Variants in FAM171A1 observed in about 807,000 individuals in gnomAD.
The protein encoded by FAM171A1 is family with sequence similarity 171 member A1, also known as protein FAM171A1.
A neutral mutation model predicts 74.9 loss-of-function variants in FAM171A1; 23 were observed. That is an observed-to-expected ratio of 0.31 (90% CI 0.22 to 0.44). The LOEUF (loss-of-function observed/expected upper bound fraction) is 0.44, where lower values mean the gene tolerates loss of function less well. Among genes scored for constraint, FAM171A1 ranks in the 20% least tolerant of loss-of-function variants. The probability of loss-of-function intolerance (pLI) is 1.00; values close to 1 mark genes in which losing one functional copy is unlikely to be tolerated. For missense variants in FAM171A1, 1,162 were observed against 1,159.2 expected (o/e 1.00, Z -0.03); for synonymous variants, 527 against 505.7 (o/e 1.04, Z -0.57).
At chr10:15,285,297 G>T (rs1237247955) in intron 1 of FAM171A1, among the ~76,000 whole-genome samples, 1 of 152,136 alleles carries the variant, frequency 6.6e-6, no homozygotes, top group African/African-American at 2.4e-5. Context: ...GGCTGGAGAG[G>T]CAAGTAAGGC....
At chr10:15,249,048 A>G (rs2131758743) in intron 4 of FAM171A1, among the ~76,000 whole-genome samples, 1 of 151,964 alleles carries the variant, frequency 6.6e-6, no homozygotes, top group East Asian at 1.9e-4. Flanking sequence ...GCCTAAGGGC[A>G]TACACTCAGT....
At chr10:15,255,515 A>G (rs923883566) in intron 3 of FAM171A1, among the ~76,000 whole-genome samples, 3 of 152,164 alleles carry the variant, frequency 2.0e-5, no homozygotes, top group Admixed American at 1.3e-4. Context: ...GACTTTTGAA[A>G]TGATGCAAAA....
In FAM171A1 at chr10:15,370,972, G is replaced by C. The variant is rs778990068; in HGVS notation, c.81C>G (p.Pro27=). 64 of 1,176,912 alleles carry C rather than the reference G, an allele frequency of 5.4e-5. No individual in the cohort carries two copies. Among genetic ancestry groups the C allele is most frequent in the Non-Finnish European group, 6.7e-5 (62 of 931,036 alleles). 72.9% of individuals were successfully genotyped at this position (1,176,912 alleles called of 1,614,324 possible). Residue 27 remains proline, a synonymous_variant, in exon 1 of 8, where the codon CCC becomes CCG. Coordinates refer to ENST00000378116, the MANE Select transcript of FAM171A1 (RefSeq NM_001010924.2). Reference sequence around the variant, plus strand: ...CCCACTGACCTTGGGCTCCGGCGCCGGGCTCCCGCAGCGTCTTGGTCACCG... The same window carrying C: ...CCCACTGACCTTGGGCTCCGGCGCCCGGCTCCCGCAGCGTCTTGGTCACCG... ...WKAVTKTLRE[P]GAGAQEVTLK... is the part of the protein sequence containing the mutation.
chr10:15,359,506 C>T (rs1172804688), intron 1 of FAM171A1, among the ~76,000 whole-genome samples: 1 of 152,116 alleles, frequency 6.6e-6, no homozygotes, highest in African/African-American at 2.4e-5. Context: ...ACCCTCTGGC[C>T]ATTGGACAGA....
chr10:15,347,782 C>A (rs1835833061), intron 1 of FAM171A1, among the ~76,000 whole-genome samples: 1 of 140,898 alleles, frequency 7.1e-6, no homozygotes, highest in South Asian at 2.2e-4. Context: ...TTGCAGTAAG[C>A]CGAGATCGCA....
rs546058977 is a variant in FAM171A1, at chr10:15,216,094, C to T, written c.888G>A (p.Gln296=). ...SPPIPGPVVT[Q]DITTYHTVFL... ...ACACCGTGTGATACGTGGTAATGTC[C>T]TGTGTTACAACGGGACCTAGAAGGT... The change falls in exon 7 of 8, where the codon CAG becomes CAA. Residue 296 remains glutamine, a synonymous_variant. Transcript: ENST00000378116. 85 of 1,600,956 alleles carry T rather than the reference C, an allele frequency of 5.3e-5. No homozygotes were observed. In the East Asian group the frequency reaches 1.5e-3, roughly 27 times the overall value.
In FAM171A1 at chr10:15,341,454, T is replaced by G. The variant is rs528563639; in HGVS notation, c.97+29502A>C. ...CATCTTTAAAACGTTATTCGAGAGT[T>G]TTTTTCCTCCCCGCAATTGCTGGCA... is the stretch of plus-strand genomic sequence containing the variant. On this transcript the variant is annotated intron_variant, in intron 1 of 7. Transcript: ENST00000378116. Among the ~76,000 whole-genome samples, 14 of 152,348 alleles carry G rather than the reference T, an allele frequency of 9.2e-5. No individual in the cohort carries two copies. The South Asian group carries it at 2.1e-3, about 23-fold the overall frequency.
intron 1 of FAM171A1, among the ~76,000 whole-genome samples, chr10:15,363,194 C>A (rs988742129): frequency 6.6e-6 from 1 of 152,170 alleles, no homozygotes; most frequent in African/African-American, 2.4e-5. Context: ...CAAAGACAGG[C>A]ATGGAGGTCG....
chr10:15,369,724 G>A (rs115526666), intron 1 of FAM171A1, among the ~76,000 whole-genome samples: 1,653 of 152,308 alleles, frequency 0.011, 21 homozygotes, highest in African/African-American at 0.037. Context: ...GTGGAAGCCC[G>A]GGCGTCTCTG....
intron 1 of FAM171A1, among the ~76,000 whole-genome samples, chr10:15,330,224 C>A (rs113203209): frequency 2.0e-5 from 3 of 152,164 alleles, no homozygotes; most frequent in African/African-American, 7.2e-5. Context: ...CGCCTGTAAT[C>A]CCAGCTACTA....
intron 4 of FAM171A1, among the ~76,000 whole-genome samples, chr10:15,251,468 T>C (rs187945569): frequency 1.3e-3 from 190 of 151,076 alleles, no homozygotes; most frequent in African/African-American, 4.5e-3. Context: ...AATGGTGCAA[T>C]CTTGGCTCAC....
intron 1 of FAM171A1, among the ~76,000 whole-genome samples, chr10:15,305,212 G>A (rs955588233): frequency 6.6e-6 from 1 of 152,208 alleles, no homozygotes; most frequent in Non-Finnish European, 1.5e-5. Context: ...TTGCTGCAAG[G>A]AAGATCTTTG....
intron 1 of FAM171A1, among the ~76,000 whole-genome samples, chr10:15,342,203 A>G (rs187980474): frequency 1.1e-4 from 17 of 152,322 alleles, no homozygotes; most frequent in African/African-American, 3.8e-4. Context: ...TGTTAACCTA[A>G]TTGGGTGGCA....
Position 15,276,283 on chromosome 10 carries a change from C to T in FAM171A1, c.326-336G>A, listed in dbSNP as rs184521041. Among the ~76,000 whole-genome samples, 184 of 151,880 alleles carry T rather than the reference C, an allele frequency of 1.2e-3. 1 individual carries two copies. The highest frequency in any genetic ancestry group is 3.8e-3 in the African/African-American group (158 of 41,444). ...CTAACCTCCGCCTCCCAGGTTCAAG[C>T]GATTCTCCTGCCTCAGACTCCCGAG... is the stretch of plus-strand genomic sequence containing the variant. On this transcript the variant is annotated intron_variant, in intron 2 of 7. Coordinates refer to ENST00000378116, the MANE Select transcript of FAM171A1 (RefSeq NM_001010924.2).
chr10:15,307,369 G>C (rs958764814), intron 1 of FAM171A1, among the ~76,000 whole-genome samples: 2 of 152,096 alleles, frequency 1.3e-5, no homozygotes, highest in African/African-American at 2.4e-5. Context: ...TTGAGGCCGG[G>C]TGCAGTGGCT....
intron 1 of FAM171A1, among the ~76,000 whole-genome samples, chr10:15,300,116 A>C (rs1160151066): frequency 6.6e-6 from 1 of 152,226 alleles, no homozygotes; most frequent in Non-Finnish European, 1.5e-5. Context: ...AAGTTTAGTC[A>C]GTGCGGTGCT....
chr10:15,268,859 T>C (rs988266755), intron 3 of FAM171A1, among the ~76,000 whole-genome samples: 4 of 152,118 alleles, frequency 2.6e-5, no homozygotes, highest in Non-Finnish European at 4.4e-5. Flanking sequence ...CTGGCCAACA[T>C]AGTGAAACCC....
intron 1 of FAM171A1, among the ~76,000 whole-genome samples, chr10:15,307,935 C>A (rs1342458963): frequency 6.6e-6 from 1 of 151,838 alleles, no homozygotes; most frequent in Non-Finnish European, 1.5e-5. Flanking sequence ...TCCCAGGTAA[C>A]TGGGACCAAA....
At chr10:15,372,011 G>A (rs908518729), upstream of FAM171A1, among the ~76,000 whole-genome samples, 2 of 152,152 alleles carry the variant, frequency 1.3e-5, no homozygotes, top group African/African-American at 2.4e-5. Flanking sequence ...ACATCAGGGG[G>A]AAGGGGGATT....
Sources: allele counts gnomAD v4.1 joint callset (sites outside exome capture counted in the v4.1 genomes callset), GRCh38; gene constraint gnomAD v4.1.1; transcripts MANE v1.5; gene names NCBI Gene and HGNC (gene_info 2026-07-23, HGNC 2026-07-21).